PTPRD: variants seen among roughly 807,000 people sequenced by gnomAD.
The protein encoded by PTPRD is protein tyrosine phosphatase receptor type D, also known as receptor-type tyrosine-protein phosphatase delta.
In PTPRD, 34 loss-of-function variants were observed where a neutral mutation model predicts 214.5. The observed-to-expected ratio is 0.16, with a 90% confidence interval of 0.12 to 0.21. PTPRD has a LOEUF of 0.21. Among genes scored for constraint, PTPRD ranks in the 10% least tolerant of loss-of-function variants. The pLI is 1.00. For missense variants in PTPRD, 2,545 were observed against 2,398.7 expected (o/e 1.06, Z -1.27); for synonymous variants, 1,128 against 845.7 (o/e 1.33, Z -5.79).
intron 10 of PTPRD, among the ~76,000 whole-genome samples, chr9:9,071,985 T>A (rs2099744412): frequency 6.6e-6 from 1 of 152,124 alleles, no homozygotes; most frequent in Admixed American, 6.6e-5. Flanking sequence ...ATCACACCCC[T>A]TCCTCATCAC....
intron 11 of PTPRD, among the ~76,000 whole-genome samples, chr9:8,756,208 C>G (rs373372554): frequency 4.3e-4 from 65 of 152,272 alleles, no homozygotes; most frequent in African/African-American, 1.5e-3. Context: ...TTGGCCAAAT[C>G]ACTCCCCTTC....
At chr9:10,114,305 T>C in intron 3 of PTPRD, among the ~76,000 whole-genome samples, 1 of 151,952 alleles carries the variant, frequency 6.6e-6, no homozygotes, top group East Asian at 1.9e-4. Context: ...TCAAAGGAAA[T>C]AGGATATGGA....
intron 3 of PTPRD, among the ~76,000 whole-genome samples, chr9:10,116,416 C>G (rs2098731700): frequency 6.6e-6 from 1 of 152,074 alleles, no homozygotes; most frequent in Admixed American, 6.6e-5. Context: ...GTTTTGGTCA[C>G]TAAAAGAAAT....
chr9:9,640,643 G>A (rs757433531), intron 7 of PTPRD, among the ~76,000 whole-genome samples: 13 of 152,124 alleles, frequency 8.5e-5, no homozygotes, highest in Non-Finnish European at 1.6e-4. Flanking sequence ...GAATTTTTAT[G>A]GAGGAGTTAG....
chr9:8,777,100 C>G (rs1156343050), intron 11 of PTPRD, among the ~76,000 whole-genome samples: 1 of 151,850 alleles, frequency 6.6e-6, no homozygotes, highest in East Asian at 1.9e-4. Context: ...CCACCTCAGC[C>G]TCCCAAGTAG....
intron 11 of PTPRD, among the ~76,000 whole-genome samples, chr9:8,977,863 G>A (rs1003976594): frequency 6.6e-5 from 10 of 151,904 alleles, no homozygotes; most frequent in Admixed American, 4.6e-4. Context: ...AAAATGTAAT[G>A]GAAAAACGTA....
intron 7 of PTPRD, among the ~76,000 whole-genome samples, chr9:9,651,457 A>G (rs1020981826): frequency 1.3e-5 from 2 of 152,050 alleles, no homozygotes; most frequent in African/African-American, 2.4e-5. Context: ...ATTTGTTCTC[A>G]TCATTTGGCT....
At chr9:9,057,929 C>T (rs1356431358) in intron 10 of PTPRD, among the ~76,000 whole-genome samples, 1 of 152,030 alleles carries the variant, frequency 6.6e-6, no homozygotes, top group Non-Finnish European at 1.5e-5. Context: ...TAATCATAGG[C>T]TACAATCATT....
At chr9:8,454,523 CTACCAGTT>C in intron 33 of PTPRD, 2 of 1,593,836 alleles carry the variant, frequency 1.3e-6, no homozygotes, top group East Asian at 4.5e-5. Context: ...ACTCTGAAGT[CTACCAGTT>C]TATTTTTTTC....
intron 14 of PTPRD, among the ~76,000 whole-genome samples, chr9:8,600,459 T>A (rs149835986): frequency 4.5e-4 from 68 of 150,950 alleles, no homozygotes; most frequent in Non-Finnish European, 7.5e-4. Context: ...GGATCACCCC[T>A]CCATCAACAC....
chr9:10,166,948 T>C (rs547191442), intron 3 of PTPRD, among the ~76,000 whole-genome samples: 40 of 152,230 alleles, frequency 2.6e-4, no homozygotes, highest in African/African-American at 8.9e-4. Context: ...TGTAAGACTA[T>C]TATTCTACCA....
chr9:9,718,200 TTC>T (rs2097866598), intron 7 of PTPRD, among the ~76,000 whole-genome samples: 2 of 152,220 alleles, frequency 1.3e-5, no homozygotes, highest in Non-Finnish European at 2.9e-5. Flanking sequence ...TGAAAATATT[TTC>T]TTTTATAAGA....
intron 5 of PTPRD, among the ~76,000 whole-genome samples, chr9:9,906,171 G>C (rs1156917369): frequency 5.9e-5 from 9 of 151,858 alleles, no homozygotes; most frequent in African/African-American, 1.9e-4. Context: ...TCAGGCTCTA[G>C]TAAGGAAAAG....
At chr9:10,503,724 A>C (rs117505858) in intron 2 of PTPRD, among the ~76,000 whole-genome samples, 1 of 152,040 alleles carries the variant, frequency 6.6e-6, no homozygotes, top group South Asian at 2.1e-4. Context: ...TGAATAGACT[A>C]TATGGTGGGT....
intron 11 of PTPRD, among the ~76,000 whole-genome samples, chr9:8,896,612 T>C (rs990759536): frequency 6.6e-6 from 1 of 152,192 alleles, no homozygotes; most frequent in Non-Finnish European, 1.5e-5. Flanking sequence ...ACTTTATCAA[T>C]AGATTAATGA....
chr9:10,300,840 T>G (rs769992276), intron 3 of PTPRD, among the ~76,000 whole-genome samples: 2 of 152,098 alleles, frequency 1.3e-5, no homozygotes, highest in Non-Finnish European at 2.9e-5. Flanking sequence ...GGGTGCAGCT[T>G]CAGCAGACTT....
chr9:10,229,799 A>G (rs1334488191), intron 3 of PTPRD, among the ~76,000 whole-genome samples: 1 of 152,026 alleles, frequency 6.6e-6, no homozygotes, highest in African/African-American at 2.4e-5. Flanking sequence ...ACACGTATAC[A>G]TATGTAACAA....
intron 14 of PTPRD, among the ~76,000 whole-genome samples, chr9:8,595,998 G>T (rs1011062892): frequency 3.3e-5 from 5 of 152,134 alleles, no homozygotes; most frequent in African/African-American, 1.2e-4. Flanking sequence ...GAAATAACAG[G>T]CTGATCAAGG....
At chr9:8,964,192 GTTTTTTTTTT>G (rs71317391) in intron 11 of PTPRD, among the ~76,000 whole-genome samples, 1 of 35,640 alleles carries the variant, frequency 2.8e-5, no homozygotes, top group African/African-American at 1.2e-4. Flanking sequence ...TCAGGGCTGT[GTTTTTTTTTT>G]TTTTTTTTTT....
Sources: gnomAD v4.1 joint callset for allele counts (sites outside exome capture counted in the v4.1 genomes callset) on GRCh38, gnomAD v4.1.1 for gene constraint, MANE v1.5 for transcripts, NCBI Gene and HGNC (gene_info 2026-07-23, HGNC 2026-07-21) for gene names.